The following FAM53B variants were observed in gnomAD, a reference collection of about 807,000 sequenced individuals.
FAM53B encodes family with sequence similarity 53 member B.
FAM53B carries 12 observed loss-of-function variants against 32.7 expected under a neutral mutation model. The ratio of observed to expected loss-of-function variants is 0.37; its 90% CI spans 0.24 to 0.59. The LOEUF is 0.59. Ranked by LOEUF, FAM53B falls within the 20% of genes least tolerant of loss-of-function variation. The pLI, the probability that FAM53B is intolerant of heterozygous loss-of-function variation, is 0.72. For synonymous variants in FAM53B, 234 were observed against 228.7 expected (o/e 1.02, Z -0.21); for missense variants, 477 against 577.7 (o/e 0.83, Z 1.79).
rs142980528 is a variant in FAM53B at position 124,671,354 on chromosome 10, G to A, written c.906+10253C>T. Among the ~76,000 whole-genome samples the A allele has an allele frequency of 3.9e-4, 59 of 152,352 alleles. No homozygotes were observed. The East Asian group carries it at 7.5e-3, about 19-fold the overall frequency. On this transcript the variant is annotated intron_variant, in intron 4 of 4. Coordinates refer to ENST00000337318, the MANE Select transcript of FAM53B (RefSeq NM_014661.4). ...TTTCAGAAGTGCAGTCTCTGCCCTG[G>A]GGTCCCCTAGCCCAAGGTGGGGAGC...
At chr10:124,660,172 G>A (rs987373784) in intron 4 of FAM53B, among the ~76,000 whole-genome samples, 18 of 152,176 alleles carry the variant, frequency 1.2e-4, no homozygotes, top group African/African-American at 4.1e-4. Flanking sequence ...CGCTGTTCAC[G>A]TTTGGGTTTC....
intron 3 of FAM53B, among the ~76,000 whole-genome samples, chr10:124,694,537 A>C (rs1326486021): frequency 6.6e-6 from 1 of 152,154 alleles, no homozygotes; most frequent in African/African-American, 2.4e-5. Context: ...AAAGACCAAC[A>C]TCTCCACAAC....
intron 4 of FAM53B, among the ~76,000 whole-genome samples, chr10:124,671,742 GCAAC>G (rs1187403960): frequency 6.6e-6 from 1 of 152,080 alleles, no homozygotes; most frequent in Non-Finnish European, 1.5e-5. Context: ...ATTATATTTT[GCAAC>G]CAACTGTTGC....
chr10:124,696,722 G>A (rs1047740627), intron 2 of FAM53B, among the ~76,000 whole-genome samples: 2 of 152,112 alleles, frequency 1.3e-5, no homozygotes, highest in Admixed American at 6.5e-5. Flanking sequence ...AGCTCGGAAG[G>A]GCTGGCGTCT....
chr10:124,710,668 G>A (rs538792264), intron 1 of FAM53B, among the ~76,000 whole-genome samples: 2 of 152,214 alleles, frequency 1.3e-5, no homozygotes, highest in Non-Finnish European at 2.9e-5. Context: ...GCCACCTCTG[G>A]GGCACACACC....
chr10:124,639,118 G>A lies in FAM53B; in HGVS notation c.907-15514C>T, dbSNP rs558458364. Among the ~76,000 whole-genome samples the A allele has an allele frequency of 1.1e-4, 17 of 152,260 alleles. No homozygotes were observed. In the East Asian group the frequency reaches 2.7e-3, roughly 24 times the overall value. ...TCAGCCTCTTGCCCATATAAGTCCC[G>A]TCTCTCTAACCCAATGTGACACCTG... is the stretch of plus-strand genomic sequence containing the variant. On this transcript the variant is annotated intron_variant, in intron 4 of 4. Coordinates refer to ENST00000337318, the MANE Select transcript of FAM53B (RefSeq NM_014661.4).
chr10:124,714,227 T>C (rs999603631), intron 1 of FAM53B: 2 of 152,102 alleles, frequency 1.3e-5, no homozygotes, highest in Admixed American at 6.6e-5. Flanking sequence ...GTCTAAAGGA[T>C]AAAAGTTGAA....
At chr10:124,655,751 G>A (rs1348584050) in intron 4 of FAM53B, among the ~76,000 whole-genome samples, 1 of 152,158 alleles carries the variant, frequency 6.6e-6, no homozygotes, top group African/African-American at 2.4e-5. Context: ...CTCATTCCAC[G>A]CAGAAGATCC....
At chr10:124,645,443 G>A (rs920770327) in intron 4 of FAM53B, among the ~76,000 whole-genome samples, 4 of 152,128 alleles carry the variant, frequency 2.6e-5, no homozygotes, top group African/African-American at 7.2e-5. Context: ...ATGGGCCCAC[G>A]CCGGCAGCAT....
intron 1 of FAM53B, among the ~76,000 whole-genome samples, chr10:124,730,949 C>T (rs1485119633): frequency 6.6e-6 from 1 of 152,142 alleles, no homozygotes. Flanking sequence ...TAGCCACAGA[C>T]ATTACCTACA....
At chr10:124,686,000 T>TA (rs1236067119) in intron 3 of FAM53B, among the ~76,000 whole-genome samples, 1 of 152,120 alleles carries the variant, frequency 6.6e-6, no homozygotes, top group African/African-American at 2.4e-5. Flanking sequence ...CAACAAACCC[T>TA]ACACTCCAGG....
At chr10:124,655,357 A>C (rs1015908879) in intron 4 of FAM53B, among the ~76,000 whole-genome samples, 1 of 152,030 alleles carries the variant, frequency 6.6e-6, no homozygotes, top group East Asian at 1.9e-4. Context: ...TGGCCTGGGG[A>C]GGGGCCTGAA....
intron 4 of FAM53B, among the ~76,000 whole-genome samples, chr10:124,655,911 T>A (rs1949586667): frequency 6.6e-6 from 1 of 152,200 alleles, no homozygotes; most frequent in African/African-American, 2.4e-5. Context: ...CCCATGGCCA[T>A]CCTGCTCCAC....
At chr10:124,699,191 C>T (rs546252512) in intron 2 of FAM53B, among the ~76,000 whole-genome samples, 24 of 152,334 alleles carry the variant, frequency 1.6e-4, no homozygotes, top group African/African-American at 2.4e-4. Flanking sequence ...TCCATGGGAA[C>T]GGAAGCTTCT....
At chr10:124,720,189 C>T (rs1950060927) in intron 1 of FAM53B, among the ~76,000 whole-genome samples, 1 of 149,900 alleles carries the variant, frequency 6.7e-6, no homozygotes, top group Non-Finnish European at 1.5e-5. Flanking sequence ...ACAAACAAAC[C>T]ACCAACACTG....
At chr10:124,703,549 G>A (rs1949930069) in intron 2 of FAM53B, 1 of 152,384 alleles carries the variant, frequency 6.6e-6, no homozygotes, top group South Asian at 2.1e-4. Flanking sequence ...GGCCGGGCCA[G>A]GCACTGACGC....
intron 4 of FAM53B, chr10:124,623,878 G>T (rs114573439): frequency 1.1e-5 from 5 of 435,346 alleles, no homozygotes; most frequent in Non-Finnish European, 2.0e-5. Context: ...ACCCAGTTCT[G>T]GGGGGCTGCG....
chr10:124,623,675 C>A, intron 4 of FAM53B, 71 bp from the exon 5 acceptor site: 1 of 1,490,132 alleles, frequency 6.7e-7, no homozygotes. Context: ...GCACACCCCA[C>A]AAAGCAACTA....
chr10:124,688,271 C>T (rs1949814335), intron 3 of FAM53B, among the ~76,000 whole-genome samples: 1 of 152,262 alleles, frequency 6.6e-6, no homozygotes, highest in Non-Finnish European at 1.5e-5. Flanking sequence ...CCCTGGCAGA[C>T]CTGAGCAGAG....
Sources: gnomAD v4.1 joint callset for allele counts (sites outside exome capture counted in the v4.1 genomes callset) on GRCh38, gnomAD v4.1.1 for gene constraint, MANE v1.5 for transcripts, NCBI Gene and HGNC (gene_info 2026-07-23, HGNC 2026-07-21) for gene names.